PISD: variants seen among roughly 807,000 people sequenced by gnomAD.
The protein encoded by PISD is phosphatidylserine decarboxylase proenzyme, mitochondrial.
Under a neutral mutation model 43.5 loss-of-function variants are expected in PISD, and 31 were observed. The observed-to-expected ratio is 0.71, with a 90% CI of 0.54 to 0.96. The LOEUF is 0.96. PISD is among the 40% of genes least tolerant of loss of function. The pLI is 0.00. For synonymous variants in PISD, 259 were observed against 228.7 expected (o/e 1.13, Z -1.20); for missense variants, 523 against 548.4 (o/e 0.95, Z 0.46).
At chr22:31,625,694 G>T (rs2072867726) in intron 3 of PISD, 1 of 1,544,054 alleles carries the variant, frequency 6.5e-7, no homozygotes, top group African/African-American at 1.4e-5. Flanking sequence ...GCCGCTGGAT[G>T]TGAACTCTGA....
At chr22:31,662,113 GC>G in intron 1 of PISD, 30 bp downstream of exon 1, 1 of 1,593,492 alleles carries the variant, frequency 6.3e-7, no homozygotes. Context: ...GTTGCCCCAC[GC>G]CCCAAGGTAG....
chr22:31,621,679 C>T lies in PISD; in HGVS notation c.528G>A (p.Gln176=). ...SEFFRRKLKP[Q]ARPVCGLHSV... is the part of the protein sequence containing the mutation. ...TGTGCAGGCCACAGACAGGCCGGGC[C>T]TGCGGCTTCAGCTTGCGCCGGAAGA... is the stretch of plus-strand genomic sequence containing the variant. Residue 176 remains glutamine, a synonymous_variant, in exon 4 of 8, where the codon CAG becomes CAA. Coordinates refer to ENST00000439502, the MANE Select transcript of PISD (RefSeq NM_001326411.2). The T allele has an allele frequency of 3.7e-6, 6 of 1,613,770 alleles. No homozygotes were observed. Among genetic ancestry groups the T allele is most frequent in the Non-Finnish European group, 5.1e-6 (6 of 1,179,922 alleles).
intron 3 of PISD, among the ~76,000 whole-genome samples, chr22:31,642,742 C>T (rs1424577251): frequency 7.0e-5 from 10 of 143,432 alleles, no homozygotes; most frequent in African/African-American, 2.4e-4. Context: ...TTGCAGTGAG[C>T]GAAGATCACG....
chr22:31,640,904 T>TTTTTTTTTTTTTTA (rs58251593), intron 3 of PISD, among the ~76,000 whole-genome samples: 2 of 114,964 alleles, frequency 1.7e-5, no homozygotes, highest in Non-Finnish European at 3.6e-5. Flanking sequence ...TTTTTTTTTT[T>TTTTTTTTTTTTTTA]GAGATGGAGT....
chr22:31,633,456 C>T (rs1353684076), intron 3 of PISD, among the ~76,000 whole-genome samples: 2 of 152,196 alleles, frequency 1.3e-5, no homozygotes, highest in South Asian at 2.1e-4. Context: ...TGGCTCATGC[C>T]TGTAATCCCA....
In PISD at chr22:31,657,043, G is replaced by A. The variant is rs566406857; in HGVS notation, c.65+5101C>T. ...ACATGAGCTAGTTTGATACAGGCAC[G>A]CAATATGGAATAATCACATTAGGTA... is the stretch of plus-strand genomic sequence containing the variant. On this transcript the variant is annotated intron_variant, in intron 1 of 7. Coordinates refer to ENST00000439502, the MANE Select transcript of PISD (RefSeq NM_001326411.2). Among the ~76,000 whole-genome samples the A allele has an allele frequency of 7.9e-5, 12 of 152,264 alleles. No homozygotes were observed. In the South Asian group the frequency reaches 1.7e-3, roughly 21 times the overall value.
At position 31,619,594 on chromosome 22, in the gene PISD, A is replaced by C. The variant is rs767091362; in HGVS notation, c.*18T>G. ...GTTTGGAAAAGATCCCTTAGCAGCC[A>C]TAATCAGGAAAGAGACTCTAGAGCG... is the stretch of plus-strand genomic sequence containing the variant. On this transcript the variant is annotated 3_prime_UTR_variant, in exon 8 of 8. Transcript: ENST00000439502. 1 of 1,596,160 alleles carries C rather than the reference A, an allele frequency of 6.3e-7. No homozygotes were observed. Among genetic ancestry groups the C allele is most frequent in the Non-Finnish European group, 8.6e-7 (1 of 1,164,102 alleles).
intron 3 of PISD, among the ~76,000 whole-genome samples, chr22:31,624,660 C>T (rs868605766): frequency 6.7e-6 from 1 of 150,214 alleles, no homozygotes; most frequent in East Asian, 2.0e-4. Flanking sequence ...GACAGACACA[C>T]ACACACACAC....
intron 1 of PISD, among the ~76,000 whole-genome samples, chr22:31,651,161 AC>A (rs1272841784): frequency 6.6e-6 from 1 of 151,926 alleles, no homozygotes; most frequent in East Asian, 1.9e-4. Flanking sequence ...ATGAGTTTTC[AC>A]CATGTTGGCC....
intron 1 of PISD, among the ~76,000 whole-genome samples, chr22:31,655,751 C>T (rs2074152334): frequency 6.6e-6 from 1 of 152,136 alleles, no homozygotes; most frequent in Non-Finnish European, 1.5e-5. Flanking sequence ...TCTTCTGCCT[C>T]AGCCTCCCAA....
intron 3 of PISD, chr22:31,623,899 C>T: frequency 1.3e-6 from 2 of 1,556,304 alleles, no homozygotes; most frequent in Non-Finnish European, 1.8e-6. Context: ...AGGCTCTGGG[C>T]AGGACCCAGG....
Position 31,619,776 on chromosome 22 carries a change from T to C in PISD, c.1066A>G (p.Thr356Ala). 2 of 1,614,210 alleles carry C rather than the reference T, an allele frequency of 1.2e-6. No homozygotes were observed. Among genetic ancestry groups the C allele is most frequent in the Non-Finnish European group, 1.7e-6 (2 of 1,180,036 alleles). Residue 356 changes from threonine (T) to alanine (A), a missense_variant, in exon 8 of 8, where the codon ACG becomes GCG. By Grantham distance (58) the Thr-to-Ala change is moderately conservative. Coordinates refer to ENST00000439502, the MANE Select transcript of PISD (RefSeq NM_001326411.2). ...KGSYNDFSFV[T>A]HTNREGVPMR... ...GGGACGCCCTCTCTATTGGTGTGCGTCACGAAGCTGAAGTCATTGTAGGAG... is the reference window on the plus strand; with the variant it reads ...GGGACGCCCTCTCTATTGGTGTGCGCCACGAAGCTGAAGTCATTGTAGGAG...
rs780646232 is a variant in PISD at position 31,621,858 on chromosome 22, G to A, written c.349C>T (p.Arg117Cys). Reference protein sequence around the residue: ...EVALYKSVPTRLLSRAWGRLN... With the variant: ...EVALYKSVPTCLLSRAWGRLN... Reference sequence around the variant, plus strand: ...CGACCCCAGGCCCGTGACAGCAAGCGCGTTGGCACTGACTTGTACAAAGCC... The same window carrying A: ...CGACCCCAGGCCCGTGACAGCAAGCACGTTGGCACTGACTTGTACAAAGCC... The change falls in exon 4 of 8, where the codon CGC (arginine) becomes TGC (cysteine). Residue 117 changes from arginine to cysteine, a missense_variant. Coordinates refer to ENST00000439502, the MANE Select transcript of PISD (RefSeq NM_001326411.2). The A allele has an allele frequency of 9.9e-6, 16 of 1,610,244 alleles. No homozygotes were observed. The highest frequency in any genetic ancestry group is 4.0e-5 in the African/African-American group (3 of 74,940).
intron 3 of PISD, chr22:31,625,542 C>G: frequency 1.7e-6 from 1 of 593,616 alleles, no homozygotes; most frequent in Admixed American, 3.0e-5. Context: ...TGGCAGCCTC[C>G]CCCTGCTGGG....
At chr22:31,620,170 A>G (rs2072442523) in intron 7 of PISD, among the ~76,000 whole-genome samples, 2 of 152,244 alleles carry the variant, frequency 1.3e-5, no homozygotes, top group South Asian at 4.1e-4. Context: ...CCCTGGGGGC[A>G]GGGTGGGCAG....
chr22:31,640,271 T>C (rs2073653374), intron 3 of PISD, among the ~76,000 whole-genome samples: 1 of 149,664 alleles, frequency 6.7e-6, no homozygotes, highest in African/African-American at 2.5e-5. Flanking sequence ...CAATCTCAAC[T>C]CACTGCAACC....
intron 3 of PISD, among the ~76,000 whole-genome samples, chr22:31,637,160 AAAAAATAT>A (rs1271649728): frequency 5.1e-4 from 12 of 23,342 alleles, no homozygotes; most frequent in Non-Finnish European, 6.3e-4. Context: ...AAAAAAAAAA[AAAAAATAT>A]ATATATATAT....
At chr22:31,625,283 A>G (rs2072840086) in intron 3 of PISD, among the ~76,000 whole-genome samples, 1 of 152,144 alleles carries the variant, frequency 6.6e-6, no homozygotes, top group Non-Finnish European at 1.5e-5. Context: ...TGTATTTTTA[A>G]AAGGTCCAGG....
At chr22:31,653,693 A>G (rs1445349319) in intron 1 of PISD, among the ~76,000 whole-genome samples, 1 of 152,182 alleles carries the variant, frequency 6.6e-6, no homozygotes, top group Non-Finnish European at 1.5e-5. Flanking sequence ...CTTGACTTAT[A>G]AACACCTAGC....
Sources: allele counts gnomAD v4.1 joint callset (sites outside exome capture counted in the v4.1 genomes callset), GRCh38; gene constraint gnomAD v4.1.1; transcripts MANE v1.5; gene names NCBI Gene and HGNC (gene_info 2026-07-23, HGNC 2026-07-21).